Variants in NOX4 observed in about 807,000 individuals in gnomAD.
NOX4 encodes NADPH oxidase 4.
NOX4 carries 69 observed loss-of-function variants against 87.6 expected under a neutral mutation model. The ratio of observed to expected loss-of-function variants is 0.79; its 90% CI spans 0.65 to 0.96. The LOEUF (loss-of-function observed/expected upper bound fraction) is 0.96, where lower values mean the gene tolerates loss of function less well. NOX4 is among the 40% of genes least tolerant of loss of function. NOX4 has a pLI of 0.00. For missense variants in NOX4, 680 were observed against 681.5 expected, an observed-to-expected ratio of 1.00 and a Z score of 0.02; for synonymous variants, 275 against 238.2, an observed-to-expected ratio of 1.15 and a Z score of -1.42.
At chr11:89,537,298 A>T in the NOX4 span, among the ~76,000 whole-genome samples, 6 of 152,086 alleles carry the variant, frequency 3.9e-5, no homozygotes, top group Admixed American at 3.9e-4. Flanking sequence ...TGATTTTTTC[A>T]TATTGGTCAT....
At chr11:89,568,996 C>T in the NOX4 span, among the ~76,000 whole-genome samples, 2 of 152,102 alleles carry the variant, frequency 1.3e-5, no homozygotes, top group African/African-American at 4.8e-5. Context: ...CTTCTCTTTA[C>T]TATAAACAAA....
In NOX4 at chr11:89,491,219, C is replaced by A; in HGVS notation, c.28G>T (p.Ala10Ser). The A allele has an allele frequency of 6.2e-7, 1 of 1,613,538 alleles. No homozygotes were observed. Among genetic ancestry groups the A allele is most frequent in the Non-Finnish European group, 8.5e-7 (1 of 1,179,826 alleles). Residue 10 changes from alanine to serine, a missense_variant, in exon 1 of 18, where the codon GCC becomes TCC. Coordinates refer to ENST00000263317, the MANE Select transcript of NOX4 (RefSeq NM_016931.5). The stretch of plus-strand genomic sequence containing the variant: ...CAGAGGTGTTTAACCCCTTCGTTGG[C>A]GAGCCAGCTCCTCCAGGACACAGCC... MAVSWRSWL[A>S]NEGVKHLCLF...
chr11:89,523,116 C>A, the NOX4 span, among the ~76,000 whole-genome samples: 1 of 152,076 alleles, frequency 6.6e-6, no homozygotes, highest in Non-Finnish European at 1.5e-5. Context: ...CCCCCACCTC[C>A]GGGTTCAAGT....
the NOX4 span, among the ~76,000 whole-genome samples, chr11:89,568,251 A>C: frequency 6.6e-6 from 1 of 152,242 alleles, no homozygotes; most frequent in Non-Finnish European, 1.5e-5. Context: ...TCCGAGCTGA[A>C]CTGAATGAAA....
chr11:89,579,824 A>G, the NOX4 span, among the ~76,000 whole-genome samples: 1 of 152,102 alleles, frequency 6.6e-6, no homozygotes, highest in African/African-American at 2.4e-5. Context: ...TTCAAAAATG[A>G]AGTAGATGTA....
chr11:89,484,181 C>T (rs1218236222), intron 2 of NOX4, among the ~76,000 whole-genome samples: 4 of 152,038 alleles, frequency 2.6e-5, no homozygotes, highest in South Asian at 4.1e-4. Context: ...GAGATTCATT[C>T]TAACTTCCAA....
chr11:89,577,968 G>A, the NOX4 span, among the ~76,000 whole-genome samples: 1 of 152,030 alleles, frequency 6.6e-6, no homozygotes, highest in Non-Finnish European at 1.5e-5. Flanking sequence ...ATGCACATCT[G>A]TCAATTTTGT....
intron 11 of NOX4, 108 bp from the exon 12 acceptor site, chr11:89,373,600 C>T: frequency 1.4e-6 from 1 of 706,664 alleles, no homozygotes; most frequent in South Asian, 1.7e-5. Context: ...CAATAGATAA[C>T]AGGAAGGAAC....
the NOX4 span, among the ~76,000 whole-genome samples, chr11:89,504,492 G>C: frequency 6.6e-6 from 1 of 151,900 alleles, no homozygotes; most frequent in Admixed American, 6.6e-5. Flanking sequence ...TAGAACAAAG[G>C]CTACTGAAGT....
In NOX4 at chr11:89,441,969, AT is replaced by A. The variant is rs33926398; in HGVS notation, c.448-1255del. On this transcript the variant is annotated intron_variant, in intron 5 of 17. Coordinates refer to ENST00000263317, the MANE Select transcript of NOX4 (RefSeq NM_016931.5). ...TGACTATATATATATATATATATAT[AT>A]AATCAATATATAAATATATCAATAT... 8.1e-5 allele frequency among the ~76,000 whole-genome samples: 12 copies of A among 147,290 alleles called. No individual in the cohort carries two copies. The South Asian group carries it at 1.0e-3, about 13-fold the overall frequency.
intron 1 of NOX4, chr11:89,490,911 TAAAAAGAA>T (rs1305762341): frequency 5.7e-6 from 4 of 699,360 alleles, no homozygotes; most frequent in Non-Finnish European, 1.0e-5. Context: ...GTTTAAAGGG[TAAAAAGAA>T]AAGCTGTATT....
the NOX4 span, among the ~76,000 whole-genome samples, chr11:89,513,690 T>A: frequency 1.3e-5 from 2 of 151,898 alleles, no homozygotes; most frequent in Non-Finnish European, 2.9e-5. Context: ...TTTGAAAAAA[T>A]TATATTTTAT....
At chr11:89,441,499 T>A (rs1944452273) in intron 5 of NOX4, among the ~76,000 whole-genome samples, 1 of 152,152 alleles carries the variant, frequency 6.6e-6, no homozygotes, top group Non-Finnish European at 1.5e-5. Context: ...AGGAAACGAT[T>A]GATATAGTGT....
rs547372705 is a variant in NOX4 at position 89,478,615 on chromosome 11, C to G, written c.153+11843G>C. Among the ~76,000 whole-genome samples, 3 of 152,178 alleles carry G rather than the reference C, an allele frequency of 2.0e-5. No individual in the cohort carries two copies. In the South Asian group the frequency reaches 6.2e-4, roughly 32 times the overall value. On this transcript the variant is annotated intron_variant, in intron 2 of 17. Coordinates refer to ENST00000263317, the MANE Select transcript of NOX4 (RefSeq NM_016931.5). Reference sequence around the variant, plus strand: ...GTCATAAAGGACTTTAACGAATTAACTTTCATATACCTAAAATTTGTGCAC... The same window carrying G: ...GTCATAAAGGACTTTAACGAATTAAGTTTCATATACCTAAAATTTGTGCAC...
At chr11:89,528,694 C>T in the NOX4 span, among the ~76,000 whole-genome samples, 1 of 152,156 alleles carries the variant, frequency 6.6e-6, no homozygotes, top group Non-Finnish European at 1.5e-5. Flanking sequence ...TTGTAAATTT[C>T]CTGAGGCCTC....
the NOX4 span, among the ~76,000 whole-genome samples, chr11:89,528,660 C>T: frequency 6.6e-6 from 1 of 152,198 alleles, no homozygotes; most frequent in Non-Finnish European, 1.5e-5. Context: ...AGGTACCTCG[C>T]TTCCTCCTTG....
At chr11:89,394,230 TA>T (rs977038155) in intron 11 of NOX4, among the ~76,000 whole-genome samples, 8 of 152,146 alleles carry the variant, frequency 5.3e-5, no homozygotes, top group Admixed American at 6.6e-5. Context: ...TTTAAGAAAG[TA>T]AAAAAGTTTT....
rs141198784 is a variant in NOX4, at chr11:89,325,115, C to CTTTTTTTTTTTTTTTT, written c.*1625_*1640dup. ...ACTAAACTGTATGAATGCTTTAATT[C>CTTTTTTTTTTTTTTTT]TTTTTTTTTTTTTTTTTTTTTTTTT... On this transcript the variant is annotated 3_prime_UTR_variant, in exon 18 of 18. Transcript: ENST00000263317. 98 of 76,326 alleles carry CTTTTTTTTTTTTTTTT rather than the reference C, an allele frequency of 1.3e-3. 17 individuals carry two copies. Among genetic ancestry groups the CTTTTTTTTTTTTTTTT allele is most frequent in the African/African-American group, 3.1e-3 (55 of 17,728 alleles). 4.7% of individuals were successfully genotyped at this position (76,326 alleles called of 1,614,324 possible). A position where few individuals can be genotyped will look rare whatever the true frequency, so the allele number is the denominator to read the frequency against.
upstream of NOX4, among the ~76,000 whole-genome samples, chr11:89,501,447 G>A (rs577715473): frequency 1.8e-4 from 28 of 152,048 alleles, no homozygotes; most frequent in South Asian, 5.8e-3. Flanking sequence ...GAGAAGAGAA[G>A]ATAATAAAAA....
Sources: allele counts gnomAD v4.1 joint callset (sites outside exome capture counted in the v4.1 genomes callset), GRCh38; gene constraint gnomAD v4.1.1; transcripts MANE v1.5; gene names NCBI Gene and HGNC (gene_info 2026-07-23, HGNC 2026-07-21).